CRTC1: variants seen among roughly 807,000 people sequenced by gnomAD.
The protein encoded by CRTC1 is CREB regulated transcription coactivator 1, also known as CREB-regulated transcription coactivator 1.
In CRTC1, 18 loss-of-function variants were observed where a neutral mutation model predicts 66.1. That is an observed-to-expected ratio of 0.27 (90% confidence interval 0.19 to 0.40). The LOEUF (loss-of-function observed/expected upper bound fraction) is 0.40. Ranked by LOEUF, CRTC1 falls within the 10% of genes least tolerant of loss-of-function variation. The probability of loss-of-function intolerance (pLI) is 1.00; values close to 1 mark genes in which losing one functional copy is unlikely to be tolerated. For synonymous variants in CRTC1, 416 were observed against 398.8 expected, an observed-to-expected ratio of 1.04 and a Z score of -0.51; for missense variants, 669 against 887.9, an observed-to-expected ratio of 0.75 and a Z score of 3.13.
At chr19:18,705,461 G>A (rs1021837412) in intron 1 of CRTC1, among the ~76,000 whole-genome samples, 5 of 152,128 alleles carry the variant, frequency 3.3e-5, no homozygotes, top group African/African-American at 1.2e-4. Context: ...GGAATTACAG[G>A]CGCATGCCAC....
intron 1 of CRTC1, among the ~76,000 whole-genome samples, chr19:18,690,112 C>T (rs1022104475): frequency 9.2e-5 from 14 of 151,560 alleles, no homozygotes; most frequent in African/African-American, 3.4e-4. Context: ...GGGGGAGTGT[C>T]GTCTGCTTGC....
In CRTC1 at chr19:18,774,628, G is replaced by A. The variant is rs139870110; in HGVS notation, c.1426-272G>A. ...CCCCAACTTCCCTGTGATGGAGATAGAGGCTGCCTTACCCAGGCTTGAGGA... is the reference window on the plus strand; with the variant it reads ...CCCCAACTTCCCTGTGATGGAGATAAAGGCTGCCTTACCCAGGCTTGAGGA... On this transcript the variant is annotated intron_variant, in intron 11 of 13. Transcript: ENST00000321949. Among the ~76,000 whole-genome samples the A allele has an allele frequency of 8.1e-4, 124 of 152,332 alleles. 1 individual carries two copies. The highest frequency in any genetic ancestry group is 2.9e-3 in the African/African-American group (120 of 41,572).
Position 18,741,614 on chromosome 19 carries a change from C to T in CRTC1, c.127-1296C>T, listed in dbSNP as rs1310024287. ...CCCTCTGCCACAGCCCGGAGCTGGC[C>T]TGTTTCATCTGGTGTGACTGCTGGG... is the stretch of plus-strand genomic sequence containing the variant. On this transcript the variant is annotated intron_variant, in intron 1 of 13. Coordinates refer to ENST00000321949, the MANE Select transcript of CRTC1 (RefSeq NM_015321.3). This position sits in a 1 kb window ranked among gnomAD's most constrained non-coding sequence, Gnocchi z 4.2. 6.6e-6 allele frequency among the ~76,000 whole-genome samples: 1 copy of T among 152,170 alleles called. No individual in the cohort carries two copies. Among genetic ancestry groups the T allele is most frequent in the Non-Finnish European group, 1.5e-5 (1 of 68,012 alleles).
intron 1 of CRTC1, among the ~76,000 whole-genome samples, chr19:18,691,025 CAAAAAAA>C (rs751088340): frequency 3.4e-5 from 2 of 58,132 alleles, no homozygotes; most frequent in Admixed American, 1.9e-4. Flanking sequence ...GACTCCGTCT[CAAAAAAA>C]AAAAAAAAAA....
At chr19:18,747,670 C>G (rs1017995135) in intron 4 of CRTC1, among the ~76,000 whole-genome samples, 1 of 152,140 alleles carries the variant, frequency 6.6e-6, no homozygotes, top group Admixed American at 6.5e-5. Flanking sequence ...ATATTCAGCA[C>G]TGTAGCTTGC....
intron 2 of CRTC1, among the ~76,000 whole-genome samples, chr19:18,745,530 G>T (rs1034487012): frequency 7.9e-5 from 12 of 152,152 alleles, no homozygotes; most frequent in Non-Finnish European, 1.0e-4. Context: ...CCCGGCGGGC[G>T]CTGGCCCCGA....
At chr19:18,743,140 C>G in intron 2 of CRTC1, 114 bp downstream of exon 2, 1 of 809,116 alleles carries the variant, frequency 1.2e-6, no homozygotes, top group Non-Finnish European at 2.0e-6. Flanking sequence ...GGAGCCCACC[C>G]AACCACTGCC....
chr19:18,720,934 G>A (rs2053613125), intron 1 of CRTC1, among the ~76,000 whole-genome samples: 1 of 152,190 alleles, frequency 6.6e-6, no homozygotes. Context: ...GTTGGTGGCT[G>A]TAACAAATGA....
intron 1 of CRTC1, among the ~76,000 whole-genome samples, chr19:18,736,679 G>T (rs1291635121): frequency 6.6e-6 from 1 of 151,070 alleles, no homozygotes; most frequent in East Asian, 1.9e-4. Context: ...CATGGAGAGT[G>T]GAGACTAGAC....
chr19:18,775,227 C>T (rs1436792496), intron 12 of CRTC1, among the ~76,000 whole-genome samples: 1 of 152,248 alleles, frequency 6.6e-6, no homozygotes, highest in Admixed American at 6.5e-5. Context: ...AGAGCGGAGG[C>T]CGAGGGCAGA....
chr19:18,695,782 G>A (rs900326103), intron 1 of CRTC1, among the ~76,000 whole-genome samples: 2 of 152,096 alleles, frequency 1.3e-5, no homozygotes, highest in Admixed American at 6.6e-5. Context: ...GGAGAATGGC[G>A]TGAACCCGGG....
intron 1 of CRTC1, 28 bp downstream of exon 1, chr19:18,683,856 CA>C: frequency 8.7e-7 from 1 of 1,147,448 alleles, no homozygotes; most frequent in South Asian, 2.0e-5. Context: ...GCCGACCCTT[CA>C]GGGCCGGCGG....
rs540570588 is a variant in CRTC1, at chr19:18,739,988, C to G, written c.127-2922C>G. On this transcript the variant is annotated intron_variant, in intron 1 of 13. Transcript: ENST00000321949. ...CCAAGGGAGGCTGGGTGTGGTGGCTCACACCTGTAACCCCAGCATTTTCGG... is the reference window on the plus strand; with the variant it reads ...CCAAGGGAGGCTGGGTGTGGTGGCTGACACCTGTAACCCCAGCATTTTCGG... 1.1e-4 allele frequency among the ~76,000 whole-genome samples: 16 copies of G among 152,290 alleles called. No homozygotes were observed. The South Asian group carries it at 3.1e-3, about 30-fold the overall frequency.
intron 2 of CRTC1, among the ~76,000 whole-genome samples, chr19:18,745,549 C>T (rs1020040528): frequency 2.0e-5 from 3 of 152,200 alleles, no homozygotes; most frequent in Non-Finnish European, 4.4e-5. Context: ...GAGCTTGTGC[C>T]GCTCTGCCTG....
Position 18,781,231 on chromosome 19 carries a change from C to T in CRTC1, c.*3849C>T, listed in dbSNP as rs924639356. The stretch of plus-strand genomic sequence containing the variant: ...GGTGCCCTGGGCCAGGGCGTGCGGG[C>T]GCCAGAGCCTTCCCTACACAGCCTA... On this transcript the variant is annotated 3_prime_UTR_variant, in exon 14 of 14. Coordinates refer to ENST00000321949, the MANE Select transcript of CRTC1 (RefSeq NM_015321.3). The T allele has an allele frequency of 2.6e-5, 6 of 227,156 alleles. No individual in the cohort carries two copies. Among genetic ancestry groups the T allele is most frequent in the Non-Finnish European group, 4.4e-5 (5 of 114,278 alleles). 14.1% of individuals were successfully genotyped at this position (227,156 alleles called of 1,614,324 possible). A position where few individuals can be genotyped will look rare whatever the true frequency, so the allele number is the denominator to read the frequency against.
chr19:18,717,833 C>T (rs577941061), intron 1 of CRTC1, among the ~76,000 whole-genome samples: 2 of 151,956 alleles, frequency 1.3e-5, no homozygotes, highest in East Asian at 1.9e-4. Context: ...CACGGGGGTG[C>T]GTGTGTGAGG....
At position 18,760,397 on chromosome 19, in the gene CRTC1, TG is replaced by T. The variant is rs1408310161; in HGVS notation, c.886+173del. Among the ~76,000 whole-genome samples, 2 of 151,734 alleles carry T rather than the reference TG, an allele frequency of 1.3e-5. No individual in the cohort carries two copies. Among genetic ancestry groups the T allele is most frequent in the East Asian group, 3.9e-4 (2 of 5,136 alleles). ...CGGGCACAGGCATCCCAGGTAGGGG[TG>T]GGGCCTGGGTACAGGCCTGGTGGAA... is the stretch of plus-strand genomic sequence containing the variant. On this transcript the variant is annotated intron_variant, in intron 8 of 13. Coordinates refer to ENST00000321949, the MANE Select transcript of CRTC1 (RefSeq NM_015321.3). This position sits in a 1 kb window ranked among gnomAD's most constrained non-coding sequence, Gnocchi z 6.2.
Position 18,780,015 on chromosome 19 carries a change from A to G in CRTC1, c.*2633A>G, listed in dbSNP as rs1370182538. 4.4e-6 allele frequency: 1 copy of G among 229,422 alleles called. No homozygotes were observed. Among genetic ancestry groups the G allele is most frequent in the Non-Finnish European group, 8.6e-6 (1 of 115,794 alleles). 14.2% of individuals were successfully genotyped at this position (229,422 alleles called of 1,614,324 possible). On this transcript the variant is annotated 3_prime_UTR_variant, in exon 14 of 14. Transcript: ENST00000321949. ...ACGTGTGGTTTTTTTAAATATCACTACTACATATTCTTGAATTGCCAAGAC... is the reference window on the plus strand; with the variant it reads ...ACGTGTGGTTTTTTTAAATATCACTGCTACATATTCTTGAATTGCCAAGAC...
chr19:18,777,223 C>T lies in CRTC1; in HGVS notation c.1746C>T (p.Ala582=), dbSNP rs754814331. 1.1e-5 allele frequency: 17 copies of T among 1,610,814 alleles called. No individual in the cohort carries two copies. Among genetic ancestry groups the T allele is most frequent in the Middle Eastern group, 1.6e-4 (1 of 6,080 alleles). ...SLSKELTSSL[A]GVGDVSFDSD... The stretch of plus-strand genomic sequence containing the variant: ...CTAAAGAACTGACCAGCTCTCTGGC[C>T]GGGGTCGGCGACGTCAGCTTCGACT... The change falls in exon 14 of 14, where the codon GCC becomes GCT. Residue 582 remains alanine, a synonymous_variant. Transcript: ENST00000321949. This position sits in a 1 kb window ranked among gnomAD's most constrained non-coding sequence, Gnocchi z 5.5.
Sources: allele counts gnomAD v4.1 joint callset (sites outside exome capture counted in the v4.1 genomes callset), GRCh38; gene constraint gnomAD v4.1.1; non-coding constraint Gnocchi (gnomAD v3.1); transcripts MANE v1.5; gene names NCBI Gene and HGNC (gene_info 2026-07-23, HGNC 2026-07-21).